Variants in FRMD6 observed in about 807,000 individuals in gnomAD.
The protein encoded by FRMD6 is FERM domain containing 6.
A neutral mutation model predicts 73.2 loss-of-function variants in FRMD6; 37 were observed. The observed-to-expected ratio is 0.51, with a 90% confidence interval of 0.39 to 0.66. The LOEUF is 0.66. FRMD6 is among the 30% of genes least tolerant of loss of function. The pLI is 0.00. For missense variants in FRMD6, 714 were observed against 780.5 expected (o/e 0.91, Z 1.02); for synonymous variants, 273 against 282.2 (o/e 0.97, Z 0.33).
chr14:51,690,266 C>T (rs984174014), intron 2 of FRMD6, among the ~76,000 whole-genome samples: 1 of 152,216 alleles, frequency 6.6e-6, no homozygotes, highest in Non-Finnish European at 1.5e-5. Flanking sequence ...TTGTCACCCA[C>T]ACACATGAAA....
chr14:51,596,615 C>G (rs144032144), intron 2 of FRMD6, among the ~76,000 whole-genome samples: 2 of 152,220 alleles, frequency 1.3e-5, no homozygotes, highest in African/African-American at 4.8e-5. Context: ...GTTTTGCATC[C>G]TGAGGGTGGT....
At position 51,614,021 on chromosome 14, in the gene FRMD6, TCAAA is replaced by T. The variant is rs560303008; in HGVS notation, c.-147+43614_-147+43617del. Among the ~76,000 whole-genome samples the T allele has an allele frequency of 1.2e-4, 19 of 152,240 alleles. No homozygotes were observed. In the South Asian group the frequency reaches 3.9e-3, roughly 32 times the overall value. On this transcript the variant is annotated intron_variant, in intron 2 of 14. Coordinates refer to the FRMD6 transcript ENST00000356218. ...ACACCTCAATTGAAGCTACCACGTA[TCAAA>T]CACTCAATAGCCACATGCAGTAGTG...
chr14:51,721,993 A>G lies in FRMD6; in HGVS notation c.1405A>G (p.Asn469Asp), dbSNP rs774312627. 4.3e-6 allele frequency: 7 copies of G among 1,614,148 alleles called. No individual in the cohort carries two copies. Among genetic ancestry groups the G allele is most frequent in the Non-Finnish European group, 5.9e-6 (7 of 1,180,008 alleles). Residue 469 changes from asparagine to aspartate, a missense_variant, in exon 12 of 14, where the codon AAT becomes GAT. Coordinates refer to ENST00000344768, the MANE Select transcript of FRMD6 (RefSeq NM_001267046.2). Reference sequence around the variant, plus strand: ...TGACCCCCGGGATCTGGAGCAGATGAATGAAGAGTCTCTGGAAGTCAGCCC... The same window carrying G: ...TGACCCCCGGGATCTGGAGCAGATGGATGAAGAGTCTCTGGAAGTCAGCCC... The part of the protein sequence containing the change: ...VDDPRDLEQM[N>D]EESLEVSPDM...
intron 1 of FRMD6, among the ~76,000 whole-genome samples, chr14:51,550,787 G>A (rs1031155095): frequency 6.6e-6 from 1 of 152,200 alleles, no homozygotes; most frequent in Non-Finnish European, 1.5e-5. Flanking sequence ...GTGCGTGACA[G>A]GGAGTCAGCA....
chr14:51,459,154 T>C, the FRMD6 span, among the ~76,000 whole-genome samples: 2 of 152,252 alleles, frequency 1.3e-5, no homozygotes, highest in African/African-American at 4.8e-5. Flanking sequence ...CCACTGGTTT[T>C]ACTTCTGTTC....
intron 1 of FRMD6, among the ~76,000 whole-genome samples, chr14:51,550,420 A>G (rs1886744302): frequency 6.6e-6 from 1 of 152,138 alleles, no homozygotes; most frequent in Admixed American, 6.5e-5. Flanking sequence ...GTTGGAAATT[A>G]GAGCCAGCCA....
At chr14:51,425,051 A>AC in the FRMD6 span, among the ~76,000 whole-genome samples, 1 of 152,180 alleles carries the variant, frequency 6.6e-6, no homozygotes, top group South Asian at 2.1e-4. Context: ...CACCAGGGCC[A>AC]TTGCATCCAC....
chr14:51,574,777 T>G (rs1273821588), intron 2 of FRMD6, among the ~76,000 whole-genome samples: 1 of 152,214 alleles, frequency 6.6e-6, no homozygotes, highest in Non-Finnish European at 1.5e-5. Context: ...AGGGCGATTC[T>G]GATCAACAGT....
At chr14:51,413,501 A>G in the FRMD6 span, among the ~76,000 whole-genome samples, 1 of 152,204 alleles carries the variant, frequency 6.6e-6, no homozygotes, top group South Asian at 2.1e-4. Context: ...ATCCTTTTTT[A>G]TGGCTGCATA....
chr14:51,699,493 A>AT (rs1384321493), intron 3 of FRMD6, among the ~76,000 whole-genome samples: 8 of 152,048 alleles, frequency 5.3e-5, no homozygotes, highest in Non-Finnish European at 1.0e-4. Flanking sequence ...TTTCAAAATA[A>AT]TTTTTAAGAT....
the FRMD6 span, among the ~76,000 whole-genome samples, chr14:51,453,582 G>A: frequency 1.3e-5 from 2 of 152,196 alleles, no homozygotes; most frequent in African/African-American, 4.8e-5. Context: ...GTGACTGACT[G>A]CATGCTATTT....
At chr14:51,404,513 A>T in the FRMD6 span, among the ~76,000 whole-genome samples, 3 of 152,128 alleles carry the variant, frequency 2.0e-5, no homozygotes, top group African/African-American at 4.8e-5. Flanking sequence ...TTCTCTAAAA[A>T]TGTTAGTGTT....
the FRMD6 span, among the ~76,000 whole-genome samples, chr14:51,421,371 G>C: frequency 2.6e-5 from 4 of 152,202 alleles, no homozygotes; most frequent in Non-Finnish European, 4.4e-5. Flanking sequence ...AGCCCTTCAA[G>C]ACTCAGTCCT....
the FRMD6 span, among the ~76,000 whole-genome samples, chr14:51,482,867 A>T: frequency 6.6e-6 from 1 of 151,752 alleles, no homozygotes; most frequent in African/African-American, 2.4e-5. Context: ...CACCTGGCGA[A>T]TTTTTTGTAT....
At chr14:51,646,318 CAAAAAAAAAAA>C (rs34495089) in intron 2 of FRMD6, among the ~76,000 whole-genome samples, 21 of 69,254 alleles carry the variant, frequency 3.0e-4, no homozygotes, top group Non-Finnish European at 5.4e-4. Flanking sequence ...ACTCCATATC[CAAAAAAAAAAA>C]AAAAAAAAAA....
intron 2 of FRMD6, among the ~76,000 whole-genome samples, chr14:51,585,679 T>C (rs1380220822): frequency 1.3e-5 from 2 of 151,638 alleles, no homozygotes; most frequent in African/African-American, 4.8e-5. Flanking sequence ...CTTTATAAAG[T>C]AGGTAATTTT....
chr14:51,514,608 G>A lies in FRMD6; in HGVS notation c.-210+25188G>A, dbSNP rs552398017. ...CGTGCCTATAATCCCAGCACTTTAGGAGGCCAAGGCAGGCAGATCACTTGA... is the reference window on the plus strand; with the variant it reads ...CGTGCCTATAATCCCAGCACTTTAGAAGGCCAAGGCAGGCAGATCACTTGA... On this transcript the variant is annotated intron_variant, in intron 1 of 14. Coordinates refer to the FRMD6 transcript ENST00000356218. 1.7e-3 allele frequency among the ~76,000 whole-genome samples: 257 copies of A among 152,318 alleles called. 1 individual carries two copies. The highest frequency in any genetic ancestry group is 5.9e-3 in the African/African-American group (246 of 41,570).
chr14:51,707,977 G>T, intron 6 of FRMD6, 101 bp from the exon 7 acceptor site: 1 of 1,077,364 alleles, frequency 9.3e-7, no homozygotes, highest in Non-Finnish European at 1.4e-6. Flanking sequence ...CAGTTTACAT[G>T]GCCTATTTTA....
At position 51,604,289 on chromosome 14, in the gene FRMD6, A is replaced by G. The variant is rs190912244; in HGVS notation, c.-147+33879A>G. 3.3e-3 allele frequency among the ~76,000 whole-genome samples: 503 copies of G among 152,316 alleles called. 3 individuals are homozygous for G. Among genetic ancestry groups the G allele is most frequent in the African/African-American group, 0.012 (489 of 41,568 alleles). ...CCGGAGATTCCAAGATGTGTAAGATACAGTACATTCCAGAGTGAGCTCTGG... is the reference window on the plus strand; with the variant it reads ...CCGGAGATTCCAAGATGTGTAAGATGCAGTACATTCCAGAGTGAGCTCTGG... On this transcript the variant is annotated intron_variant, in intron 2 of 14. Transcript: ENST00000356218.
Sources: allele counts gnomAD v4.1 joint callset (sites outside exome capture counted in the v4.1 genomes callset), GRCh38; gene constraint gnomAD v4.1.1; transcripts MANE v1.5; gene names NCBI Gene and HGNC (gene_info 2026-07-23, HGNC 2026-07-21).